ELP4: variants seen among roughly 807,000 people sequenced by gnomAD.
The protein encoded by ELP4 is elongator acetyltransferase complex subunit 4, also known as elongator complex protein 4.
ELP4 carries 51 observed loss-of-function variants against 48.9 expected under a neutral mutation model. The ratio of observed to expected loss-of-function variants is 1.04; its 90% CI spans 0.83 to 1.32. The LOEUF is 1.32. ELP4 is among the 40% of genes most tolerant of loss of function. The pLI, the probability that ELP4 is intolerant of heterozygous loss-of-function variation, is 0.00. For synonymous variants in ELP4, 210 were observed against 189.2 expected, an observed-to-expected ratio of 1.11 and a Z score of -0.90; for missense variants, 519 against 514.6, an observed-to-expected ratio of 1.01 and a Z score of -0.08.
chr11:31,765,793 T>C (rs1485205345), intron 9 of ELP4, among the ~76,000 whole-genome samples: 2 of 152,096 alleles, frequency 1.3e-5, no homozygotes, highest in Non-Finnish European at 2.9e-5. Flanking sequence ...AAATTAGTGT[T>C]ACTTAAAAAC....
intron 1 of ELP4, among the ~76,000 whole-genome samples, chr11:31,519,599 T>C (rs1023719360): frequency 6.6e-6 from 1 of 152,100 alleles, no homozygotes; most frequent in Non-Finnish European, 1.5e-5. Flanking sequence ...CCAAGGCAGG[T>C]GGATCACGTG....
chr11:31,630,582 G>A (rs1189197851), intron 6 of ELP4, among the ~76,000 whole-genome samples: 36 of 152,128 alleles, frequency 2.4e-4, no homozygotes, highest in Non-Finnish European at 4.4e-5. Context: ...GCCCTCCTCA[G>A]CCTCCCAGTG....
intron 9 of ELP4, among the ~76,000 whole-genome samples, chr11:31,690,951 A>G (rs1368343357): frequency 6.6e-6 from 1 of 152,014 alleles, no homozygotes; most frequent in Non-Finnish European, 1.5e-5. Context: ...TTCCTACATT[A>G]AGACTTCAAA....
At chr11:31,706,632 T>A (rs1231750996) in intron 9 of ELP4, among the ~76,000 whole-genome samples, 1 of 148,942 alleles carries the variant, frequency 6.7e-6, no homozygotes, top group East Asian at 1.9e-4. Flanking sequence ...TTAATTCATA[T>A]ATTTTAACTT....
At position 31,787,256 on chromosome 11, in the gene ELP4, C is replaced by T; in HGVS notation, c.*3732C>T. ...CTTCAGACTATACCAGACTGTGCTA[C>T]TTTGCCCTGGCAATCCTGACCTTCA... On this transcript the variant is annotated 3_prime_UTR_variant, in exon 10 of 10. Transcript: ENST00000640961. 2 of 233,040 alleles carry T rather than the reference C, an allele frequency of 8.6e-6. No homozygotes were observed. The highest frequency in any genetic ancestry group is 1.7e-5 in the Non-Finnish European group (2 of 117,888). 14.4% of individuals were successfully genotyped at this position (233,040 alleles called of 1,614,324 possible).
intron 4 of ELP4, chr11:31,600,638 A>G (rs1040287365): frequency 6.6e-6 from 1 of 152,218 alleles, no homozygotes; most frequent in East Asian, 1.9e-4. Flanking sequence ...AATTTACAGA[A>G]TATTCATTGC....
chr11:31,573,308 A>G (rs1454099930), intron 3 of ELP4, among the ~76,000 whole-genome samples: 1 of 151,888 alleles, frequency 6.6e-6, no homozygotes, highest in Non-Finnish European at 1.5e-5. Context: ...CTCTCTACCC[A>G]TTACCCAATT....
chr11:31,578,352 T>G (rs953119830), intron 3 of ELP4, among the ~76,000 whole-genome samples: 1 of 152,134 alleles, frequency 6.6e-6, no homozygotes, highest in African/African-American at 2.4e-5. Flanking sequence ...CTTGTGAAAA[T>G]GACTATACTG....
chr11:31,625,054 ACT>A (rs368975525), intron 5 of ELP4, among the ~76,000 whole-genome samples: 2,001 of 151,490 alleles, frequency 0.013, 44 homozygotes, highest in African/African-American at 0.044. Flanking sequence ...AAAGAAGTAT[ACT>A]CTAACAATAA....
intron 9 of ELP4, among the ~76,000 whole-genome samples, chr11:31,658,952 T>G (rs7949043): frequency 1 from 151,397 of 152,072 alleles, 75,366 homozygotes; most frequent in Middle Eastern, 1. Context: ...CCATCTTTAA[T>G]CAAAATTAAG....
chr11:31,548,334 A>G (rs1042299567), intron 3 of ELP4, among the ~76,000 whole-genome samples: 12 of 152,126 alleles, frequency 7.9e-5, no homozygotes, highest in Middle Eastern at 6.8e-3. Context: ...ATTCTTATAC[A>G]CCAATAACAG....
rs527804217 is a variant in ELP4 at position 31,751,191 on chromosome 11, G to T, written c.1144-32202G>T. 3.9e-5 allele frequency among the ~76,000 whole-genome samples: 6 copies of T among 152,330 alleles called. No homozygotes were observed. The South Asian group carries it at 1.2e-3, about 32-fold the overall frequency. On this transcript the variant is annotated intron_variant, in intron 9 of 9. Coordinates refer to ENST00000640961, the MANE Select transcript of ELP4 (RefSeq NM_019040.5). ...TGACTTTCTAACAAGTTCACTGGTA[G>T]AAATTGGCCTTGGCACCAATTTGTA...
chr11:31,630,531 G>A (rs112412286), intron 6 of ELP4, among the ~76,000 whole-genome samples: 19 of 151,932 alleles, frequency 1.3e-4, no homozygotes, highest in African/African-American at 4.6e-4. Flanking sequence ...GTTTCACTAC[G>A]TTGGCCAGGC....
intron 3 of ELP4, among the ~76,000 whole-genome samples, chr11:31,564,003 T>C (rs896977973): frequency 2.0e-5 from 3 of 152,184 alleles, no homozygotes; most frequent in Non-Finnish European, 2.9e-5. Flanking sequence ...AATAGAGCTT[T>C]TATCAAAACA....
chr11:31,703,318 A>G (rs1232684281), intron 9 of ELP4, among the ~76,000 whole-genome samples: 1 of 152,154 alleles, frequency 6.6e-6, no homozygotes, highest in Admixed American at 6.5e-5. Flanking sequence ...CTATCCCCAG[A>G]TATTCTAAAA....
intron 3 of ELP4, among the ~76,000 whole-genome samples, chr11:31,543,004 G>GA (rs1398920781): frequency 4.6e-5 from 7 of 152,084 alleles, no homozygotes; most frequent in Admixed American, 1.3e-4. Flanking sequence ...TGACTGCAAT[G>GA]AAAAATACAC....
intron 7 of ELP4, among the ~76,000 whole-genome samples, chr11:31,638,794 G>T (rs1454316566): frequency 6.6e-6 from 1 of 151,754 alleles, no homozygotes; most frequent in Non-Finnish European, 1.5e-5. Context: ...TCTAAGTCTA[G>T]CAATGGACCG....
intron 3 of ELP4, among the ~76,000 whole-genome samples, chr11:31,572,963 G>C (rs866465228): frequency 2.2e-4 from 34 of 152,220 alleles, no homozygotes; most frequent in African/African-American, 8.2e-4. Context: ...AGCTGTGTTT[G>C]CACCACTGTA....
At chr11:31,589,698 A>G (rs1382847906) in intron 3 of ELP4, among the ~76,000 whole-genome samples, 1 of 152,198 alleles carries the variant, frequency 6.6e-6, no homozygotes, top group East Asian at 1.9e-4. Context: ...AGTATATTTT[A>G]TAGAATTTCA....
Sources: allele counts gnomAD v4.1 joint callset (sites outside exome capture counted in the v4.1 genomes callset), GRCh38; gene constraint gnomAD v4.1.1; transcripts MANE v1.5; gene names NCBI Gene and HGNC (gene_info 2026-07-23, HGNC 2026-07-21).